Variants in LRP12 observed in about 807,000 individuals in gnomAD.
LRP12 encodes LDL receptor related protein 12, also known as low-density lipoprotein receptor-related protein 12.
A neutral mutation model predicts 66.0 loss-of-function variants in LRP12; 14 were observed. The observed-to-expected ratio is 0.21, with a 90% confidence interval of 0.14 to 0.33. The LOEUF (loss-of-function observed/expected upper bound fraction) is 0.33. LRP12 is among the 10% of genes least tolerant of loss of function. LRP12 has a pLI of 1.00. For missense variants in LRP12, 889 were observed against 1,053.4 expected, an observed-to-expected ratio of 0.84 and a Z score of 2.16; for synonymous variants, 357 against 359.1, an observed-to-expected ratio of 0.99 and a Z score of 0.07.
chr8:104,588,976 C>CCGCCGCCGCCGCCGA lies in LRP12; in HGVS notation c.-80_-79insTCGGCGGCGGCGGCG, dbSNP rs1812389457. On this transcript the variant is annotated 5_prime_UTR_variant, in exon 1 of 7. Transcript: ENST00000276654. ...CTGGAGGTAGACGACGCCGACGCCGCCGCCGCCGCCGCCGCCGCCGCCGAG... is the reference window on the plus strand; with the variant it reads ...CTGGAGGTAGACGACGCCGACGCCGCCGCCGCCGCCGCCGACGCCGCCGCCGCCGCCGCCGCCGAG... The CCGCCGCCGCCGCCGA allele has an allele frequency of 3.1e-6, 2 of 648,442 alleles. No homozygotes were observed. The highest frequency in any genetic ancestry group is 2.5e-5 in the African/African-American group (1 of 40,432). 40.2% of individuals were successfully genotyped at this position (648,442 alleles called of 1,614,324 possible). A position where few individuals can be genotyped will look rare whatever the true frequency, so the allele number is the denominator to read the frequency against.
chr8:104,560,405 G>A (rs1297336294), intron 1 of LRP12, among the ~76,000 whole-genome samples: 2 of 151,978 alleles, frequency 1.3e-5, no homozygotes, highest in Non-Finnish European at 2.9e-5. Flanking sequence ...ACAACGGTGT[G>A]CTTACATTGA....
chr8:104,557,772 C>T (rs1450357136), intron 1 of LRP12, among the ~76,000 whole-genome samples: 1 of 151,936 alleles, frequency 6.6e-6, no homozygotes, highest in Non-Finnish European at 1.5e-5. Context: ...AAAAATAATC[C>T]TAAAATTCAT....
At chr8:104,523,389 C>T (rs1459460612) in intron 2 of LRP12, among the ~76,000 whole-genome samples, 3 of 152,176 alleles carry the variant, frequency 2.0e-5, no homozygotes. Context: ...GCAGACCACA[C>T]ACAGTACCAT....
intron 1 of LRP12, among the ~76,000 whole-genome samples, chr8:104,544,429 T>C (rs935076336): frequency 6.6e-6 from 1 of 152,218 alleles, no homozygotes; most frequent in African/African-American, 2.4e-5. Flanking sequence ...ATTCTCAATG[T>C]AGATGAAACA....
At chr8:104,548,498 TATA>T (rs1468271469) in intron 1 of LRP12, among the ~76,000 whole-genome samples, 2 of 127,756 alleles carry the variant, frequency 1.6e-5, no homozygotes, top group Non-Finnish European at 3.1e-5. Flanking sequence ...GTATCTAATA[TATA>T]ATTCTATATT....
intron 2 of LRP12, among the ~76,000 whole-genome samples, chr8:104,509,543 C>G (rs1197475723): frequency 6.6e-6 from 1 of 152,142 alleles, no homozygotes; most frequent in African/African-American, 2.4e-5. Flanking sequence ...CTTATCAGAT[C>G]AACTGTCACA....
intron 3 of LRP12, among the ~76,000 whole-genome samples, chr8:104,501,834 T>C (rs1035750342): frequency 2.0e-5 from 3 of 152,262 alleles, no homozygotes; most frequent in Admixed American, 1.3e-4. Flanking sequence ...TAAATTTTAG[T>C]CTTCATTAAG....
chr8:104,556,423 T>A (rs1811809545), intron 1 of LRP12, among the ~76,000 whole-genome samples: 2 of 151,854 alleles, frequency 1.3e-5, no homozygotes, highest in African/African-American at 2.4e-5. Flanking sequence ...AGAGAGAAGA[T>A]CCAAATAAGC....
In LRP12 at chr8:104,514,854, T is replaced by C. The variant is rs80299977; in HGVS notation, c.137-5780A>G. On this transcript the variant is annotated intron_variant, in intron 2 of 6. Coordinates refer to ENST00000276654, the MANE Select transcript of LRP12 (RefSeq NM_013437.5). ...ATTACAGTAAACTGTCAGTAAACAATATTACATGATATGCCAAATCAGACT... is the reference window on the plus strand; with the variant it reads ...ATTACAGTAAACTGTCAGTAAACAACATTACATGATATGCCAAATCAGACT... 9.1e-3 allele frequency among the ~76,000 whole-genome samples: 1,389 copies of C among 152,254 alleles called. 27 individuals carry two copies. Among genetic ancestry groups the C allele is most frequent in the African/African-American group, 0.032 (1,322 of 41,550 alleles).
intron 1 of LRP12, among the ~76,000 whole-genome samples, chr8:104,568,936 A>G (rs1305920309): frequency 6.6e-6 from 1 of 152,178 alleles, no homozygotes; most frequent in East Asian, 1.9e-4. Flanking sequence ...TATACCCAAG[A>G]GAACTGAAAC....
chr8:104,532,952 G>C (rs1309739605), intron 1 of LRP12, among the ~76,000 whole-genome samples: 5 of 152,024 alleles, frequency 3.3e-5, no homozygotes, highest in African/African-American at 1.2e-4. Context: ...TTAAGCACTT[G>C]ATATAGTGCC....
At chr8:104,516,296 CCCCCACAAAAG>C (rs1362772470) in intron 2 of LRP12, among the ~76,000 whole-genome samples, 1 of 151,822 alleles carries the variant, frequency 6.6e-6, no homozygotes, top group African/African-American at 2.4e-5. Flanking sequence ...ATCTGACTAG[CCCCCACAAAAG>C]CCTATTTAAT....
chr8:104,547,566 AATAAT>A (rs533269134), intron 1 of LRP12, among the ~76,000 whole-genome samples: 1 of 124,216 alleles, frequency 8.1e-6, no homozygotes, highest in Non-Finnish European at 1.6e-5. Flanking sequence ...ATTATATATT[AATAAT>A]TATTATATAT....
At chr8:104,494,066 A>G (rs1487049984) in intron 6 of LRP12, among the ~76,000 whole-genome samples, 1 of 152,172 alleles carries the variant, frequency 6.6e-6, no homozygotes, top group Non-Finnish European at 1.5e-5. Flanking sequence ...TCTTGTGTGT[A>G]CCGTGTTCTC....
intron 1 of LRP12, among the ~76,000 whole-genome samples, chr8:104,580,721 C>A (rs942031505): frequency 2.6e-5 from 4 of 152,208 alleles, no homozygotes; most frequent in African/African-American, 9.6e-5. Context: ...CAAATCAAAA[C>A]CACAATGAGA....
intron 1 of LRP12, among the ~76,000 whole-genome samples, chr8:104,544,662 C>A (rs143168513): frequency 7.0e-4 from 107 of 152,246 alleles, no homozygotes; most frequent in African/African-American, 2.4e-3. Context: ...TGGGTGACAG[C>A]ACATTGTAAA....
chr8:104,495,285 TAAAAC>T, intron 5 of LRP12, 76 bp from the exon 6 acceptor site: 1 of 1,386,534 alleles, frequency 7.2e-7, no homozygotes, highest in Non-Finnish European at 1.0e-6. Flanking sequence ...TATCAGTAAT[TAAAAC>T]AATCTGAGTC....
intron 1 of LRP12, among the ~76,000 whole-genome samples, chr8:104,536,476 G>C (rs1171762985): frequency 2.0e-5 from 3 of 152,034 alleles, no homozygotes; most frequent in Non-Finnish European, 4.4e-5. Flanking sequence ...GCAGGGTTTT[G>C]TTTTGCAACC....
At chr8:104,503,938 A>C (rs1305950717) in intron 3 of LRP12, among the ~76,000 whole-genome samples, 1 of 152,144 alleles carries the variant, frequency 6.6e-6, no homozygotes, top group African/African-American at 2.4e-5. Flanking sequence ...TTTGCTTTTG[A>C]AAATTTTTAA....
Sources: allele counts gnomAD v4.1 joint callset (sites outside exome capture counted in the v4.1 genomes callset), GRCh38; gene constraint gnomAD v4.1.1; transcripts MANE v1.5; gene names NCBI Gene and HGNC (gene_info 2026-07-23, HGNC 2026-07-21).